MRTFB: variants seen among roughly 807,000 people sequenced by gnomAD.
MRTFB encodes myocardin-related transcription factor B.
A neutral mutation model predicts 104.2 loss-of-function variants in MRTFB; 29 were observed. The observed-to-expected ratio is 0.28, with a 90% CI of 0.21 to 0.38. The LOEUF is 0.38. Among genes scored for constraint, MRTFB ranks in the 10% least tolerant of loss-of-function variants. The pLI is 1.00. For synonymous variants in MRTFB, 535 were observed against 519.5 expected, an observed-to-expected ratio of 1.03 and a Z score of -0.41; for missense variants, 1,270 against 1,341.6, an observed-to-expected ratio of 0.95 and a Z score of 0.83.
chr16:14,238,599 G>A (rs1006893378), intron 9 of MRTFB, among the ~76,000 whole-genome samples: 9 of 152,176 alleles, frequency 5.9e-5, no homozygotes, highest in Non-Finnish European at 1.2e-4. Context: ...ATACCTGGAA[G>A]CAATGAAGTC....
At chr16:13,999,385 A>C in the MRTFB span, among the ~76,000 whole-genome samples, 23 of 151,978 alleles carry the variant, frequency 1.5e-4, 1 homozygote, top group East Asian at 4.4e-3. Context: ...GGCTCAAGCT[A>C]GTCAGAAATA....
intron 3 of MRTFB, among the ~76,000 whole-genome samples, chr16:14,166,603 A>C (rs920639699): frequency 6.6e-6 from 1 of 152,144 alleles, no homozygotes. Flanking sequence ...CTGTCAACCC[A>C]TCACCTAGGT....
At chr16:14,175,290 A>AT (rs952494919) in intron 3 of MRTFB, among the ~76,000 whole-genome samples, 4 of 152,210 alleles carry the variant, frequency 2.6e-5, no homozygotes, top group African/African-American at 9.6e-5. Flanking sequence ...CACCCTTAGA[A>AT]ATTTCCTCAC....
At chr16:14,212,161 A>G (rs2041219234) in intron 4 of MRTFB, among the ~76,000 whole-genome samples, 193 bp from the exon 5 acceptor site, 1 of 152,228 alleles carries the variant, frequency 6.6e-6, no homozygotes, top group South Asian at 2.1e-4. Context: ...TGTCTACTTT[A>G]TTTGTGAAAT....
intron 2 of MRTFB, among the ~76,000 whole-genome samples, chr16:14,117,756 T>C (rs947799779): frequency 6.6e-6 from 1 of 151,886 alleles, no homozygotes; most frequent in Non-Finnish European, 1.5e-5. Flanking sequence ...AGATGGAGAA[T>C]AATCTGGACT....
At chr16:14,225,685 C>A (rs2041970708) in intron 8 of MRTFB, among the ~76,000 whole-genome samples, 1 of 149,984 alleles carries the variant, frequency 6.7e-6, no homozygotes, top group South Asian at 2.1e-4. Flanking sequence ...TTCATTCATT[C>A]ATTCATTCAT....
intron 3 of MRTFB, among the ~76,000 whole-genome samples, chr16:14,178,742 T>G (rs1269947930): frequency 6.6e-6 from 1 of 150,990 alleles, no homozygotes; most frequent in East Asian, 1.9e-4. Context: ...GCAGGGGAGG[T>G]TTTTTTTGTT....
At chr16:14,245,220 G>A (rs938859344) in intron 10 of MRTFB, among the ~76,000 whole-genome samples, 8 of 152,130 alleles carry the variant, frequency 5.3e-5, no homozygotes, top group African/African-American at 4.8e-5. Context: ...CATTAATTAC[G>A]TGTTGATGTC....
chr16:14,079,220 A>G (rs1446535844), intron 1 of MRTFB, 70 bp from the exon 2 acceptor site: 1 of 328,120 alleles, frequency 3.0e-6, no homozygotes, highest in African/African-American at 2.1e-5. Context: ...CACATTCTCC[A>G]AGAGACACAA....
intron 2 of MRTFB, among the ~76,000 whole-genome samples, chr16:14,118,270 G>A (rs942201325): frequency 1.3e-5 from 2 of 151,566 alleles, no homozygotes; most frequent in Non-Finnish European, 2.9e-5. Context: ...CTGAGTAGCT[G>A]GGACTACAGG....
chr16:14,238,784 G>T (rs1040882244), intron 9 of MRTFB, among the ~76,000 whole-genome samples: 51 of 152,338 alleles, frequency 3.3e-4, no homozygotes, highest in African/African-American at 1.2e-3. Context: ...CTGAAAGCAT[G>T]AGATGAGATT....
chr16:14,246,157 C>T (rs2043005345), intron 11 of MRTFB, among the ~76,000 whole-genome samples: 1 of 152,126 alleles, frequency 6.6e-6, no homozygotes, highest in Non-Finnish European at 1.5e-5. Context: ...AGAGCATTTC[C>T]AAAAGTGTCT....
intron 2 of MRTFB, among the ~76,000 whole-genome samples, chr16:14,088,550 A>T (rs1370997959): frequency 6.6e-6 from 1 of 152,202 alleles, no homozygotes; most frequent in Non-Finnish European, 1.5e-5. Context: ...ACGCTACTTT[A>T]TGAGCACCCC....
chr16:14,260,797 G>T, intron 16 of MRTFB, 112 bp from the exon 17 acceptor site: 1 of 855,156 alleles, frequency 1.2e-6, no homozygotes, highest in South Asian at 1.8e-5. Flanking sequence ...TTCTAAGACG[G>T]ACGTGCATAG....
the MRTFB span, among the ~76,000 whole-genome samples, chr16:14,026,400 A>C: frequency 6.6e-6 from 1 of 152,208 alleles, no homozygotes; most frequent in Non-Finnish European, 1.5e-5. Flanking sequence ...AACTTATGCA[A>C]AAATTAACTC....
Position 14,247,255 on chromosome 16 carries a change from C to T in MRTFB, c.1995C>T (p.Val665=). ...PVASHAVGQP[V]STGGQTLVAK... is the part of the protein sequence containing the mutation. Reference sequence around the variant, plus strand: ...CCAGCCACGCTGTAGGCCAGCCCGTCTCTACAGGTGGCCAGACCCTTGTTG... The same window carrying T: ...CCAGCCACGCTGTAGGCCAGCCCGTTTCTACAGGTGGCCAGACCCTTGTTG... Residue 665 remains valine, a synonymous_variant, in exon 12 of 17, where the codon GTC becomes GTT. Coordinates refer to ENST00000571589, the MANE Select transcript of MRTFB (RefSeq NM_001308142.2). 1 of 1,614,238 alleles carries T rather than the reference C, an allele frequency of 6.2e-7. No individual in the cohort carries two copies. The highest frequency in any genetic ancestry group is 8.5e-7 in the Non-Finnish European group (1 of 1,180,052).
the MRTFB span, among the ~76,000 whole-genome samples, chr16:14,058,308 G>C: frequency 6.6e-6 from 1 of 152,180 alleles, no homozygotes; most frequent in African/African-American, 2.4e-5. Flanking sequence ...GGGAGGATGT[G>C]GTGAGTAATC....
At chr16:14,028,223 A>ACAAAACAAAC in the MRTFB span, among the ~76,000 whole-genome samples, 1 of 151,898 alleles carries the variant, frequency 6.6e-6, no homozygotes, top group African/African-American at 2.4e-5. Context: ...ACAAAACAAA[A>ACAAAACAAAC]CAAACCAAGT....
chr16:14,066,988 T>C (rs928460516), upstream of MRTFB, among the ~76,000 whole-genome samples: 1 of 151,796 alleles, frequency 6.6e-6, no homozygotes, highest in South Asian at 2.1e-4. Context: ...CCCATTTTGT[T>C]TGTTTGTTGT....
Sources: allele counts gnomAD v4.1 joint callset (sites outside exome capture counted in the v4.1 genomes callset), GRCh38; gene constraint gnomAD v4.1.1; transcripts MANE v1.5; gene names NCBI Gene and HGNC (gene_info 2026-07-23, HGNC 2026-07-21).